Variants in DGKI observed in about 807,000 individuals in gnomAD.
The protein encoded by DGKI is diacylglycerol kinase iota.
In DGKI, 55 loss-of-function variants were observed where a neutral mutation model predicts 147.5. The observed-to-expected ratio is 0.37, with a 90% CI of 0.30 to 0.47. DGKI has a LOEUF of 0.47. DGKI is among the 20% of genes least tolerant of loss of function. DGKI has a pLI of 1.00. For missense variants in DGKI, 1,007 were observed against 1,323.8 expected (o/e 0.76, Z 3.71); for synonymous variants, 469 against 477.1 (o/e 0.98, Z 0.22).
chr7:137,434,762 A>C (rs929328397), intron 28 of DGKI, among the ~76,000 whole-genome samples: 1 of 152,184 alleles, frequency 6.6e-6, no homozygotes, highest in Non-Finnish European at 1.5e-5. Context: ...ATGACAGATA[A>C]TAGTAGGGTC....
chr7:137,599,764 C>T, intron 11 of DGKI, 59 bp downstream of exon 11: 2 of 1,481,464 alleles, frequency 1.4e-6, no homozygotes, highest in Non-Finnish European at 1.9e-6. Flanking sequence ...GATAATGAAG[C>T]AGAAAATTCT....
rs369086131 is a variant in DGKI at position 137,620,019 on chromosome 7, G to GCGCA, written c.877-80_877-79insTGCG. On this transcript the variant is annotated intron_variant, in intron 7 of 32. Transcript: ENST00000614521. Reference sequence around the variant, plus strand: ...CAAGAAGGGATAAATATGTACACACGCACACACACACACACACACACACAC... The same window carrying GCGCA: ...CAAGAAGGGATAAATATGTACACACGCGCACACACACACACACACACACACACAC... 1.6e-4 allele frequency: 81 copies of GCGCA among 502,554 alleles called. 1 individual carries two copies. The highest frequency in any genetic ancestry group is 6.0e-4 in the Middle Eastern group (1 of 1,676). 31.1% of individuals were successfully genotyped at this position (502,554 alleles called of 1,614,324 possible). A position where few individuals can be genotyped will look rare whatever the true frequency, so the allele number is the denominator to read the frequency against.
intron 1 of DGKI, among the ~76,000 whole-genome samples, chr7:137,843,861 C>T (rs1476678360): frequency 1.3e-5 from 2 of 151,550 alleles, no homozygotes; most frequent in East Asian, 3.9e-4. Context: ...ACATGTTCTT[C>T]AAAAGATATT....
intron 8 of DGKI, among the ~76,000 whole-genome samples, chr7:137,614,385 G>C (rs763416632): frequency 6.6e-6 from 1 of 152,098 alleles, no homozygotes; most frequent in African/African-American, 2.4e-5. Flanking sequence ...GAAAATTCAC[G>C]TAAGTCTCAA....
chr7:137,502,766 TTC>T (rs1816224236), intron 21 of DGKI, among the ~76,000 whole-genome samples: 1 of 152,252 alleles, frequency 6.6e-6, no homozygotes, highest in Admixed American at 6.5e-5. Flanking sequence ...CATCCTAGGT[TTC>T]TCTTACTCAA....
intron 1 of DGKI, among the ~76,000 whole-genome samples, chr7:137,708,397 T>A (rs1794109742): frequency 6.6e-6 from 1 of 152,242 alleles, no homozygotes; most frequent in Non-Finnish European, 1.5e-5. Context: ...GTGACAGCTT[T>A]GGAGGAATAA....
chr7:137,771,151 T>G (rs926845705), intron 1 of DGKI, among the ~76,000 whole-genome samples: 9 of 152,146 alleles, frequency 5.9e-5, no homozygotes, highest in African/African-American at 1.9e-4. Context: ...AGTGCAGTGG[T>G]GCAATCTCAG....
intron 8 of DGKI, among the ~76,000 whole-genome samples, chr7:137,612,537 G>A (rs1820400224): frequency 6.6e-6 from 1 of 151,954 alleles, no homozygotes; most frequent in Admixed American, 6.6e-5. Flanking sequence ...TCTACCTCTA[G>A]GAACAGATGG....
intron 20 of DGKI, among the ~76,000 whole-genome samples, chr7:137,527,581 T>A (rs834090): frequency 0.027 from 4,126 of 152,290 alleles, 174 homozygotes; most frequent in East Asian, 0.11. Flanking sequence ...TTCTACATTT[T>A]GTACCTTATA....
intron 10 of DGKI, among the ~76,000 whole-genome samples, chr7:137,605,653 G>C (rs988397974): frequency 6.6e-6 from 1 of 152,172 alleles, no homozygotes; most frequent in African/African-American, 2.4e-5. Context: ...CCTGTCATTT[G>C]CAGCAACAAA....
chr7:137,524,748 T>C (rs1817082514), intron 20 of DGKI, among the ~76,000 whole-genome samples: 2 of 152,182 alleles, frequency 1.3e-5, no homozygotes, highest in Non-Finnish European at 1.5e-5. Flanking sequence ...GAATGAACTC[T>C]ACCTAAGCAA....
At chr7:137,722,750 C>T in intron 1 of DGKI, 3 of 1,541,926 alleles carry the variant, frequency 1.9e-6, no homozygotes, top group Non-Finnish European at 2.7e-6. Flanking sequence ...GCTGTGGACT[C>T]ACAAATTTTA....
At position 137,638,636 on chromosome 7, in the gene DGKI, A is replaced by ATG. The variant is rs1821496207; in HGVS notation, c.804+6835_804+6836insCA. Among the ~76,000 whole-genome samples the ATG allele has an allele frequency of 1.4e-3, 11 of 7,812 alleles. 1 individual carries two copies. The highest frequency in any genetic ancestry group is 0.067 in the East Asian group (2 of 30). 5.1% of individuals were successfully genotyped at this position (7,812 alleles called of 152,430 possible). On this transcript the variant is annotated intron_variant, in intron 6 of 32. Transcript: ENST00000614521. ...TACACACACACATATATATGTGTGT[A>ATG]TATATGTGTATGTATATACACACAT...
At position 137,463,972 on chromosome 7, in the gene DGKI, G is replaced by T. The variant is rs548361033; in HGVS notation, c.2613-361C>A. 4.9e-4 allele frequency among the ~76,000 whole-genome samples: 75 copies of T among 152,274 alleles called. 1 individual carries two copies. Among genetic ancestry groups the T allele is most frequent in the Non-Finnish European group, 9.4e-4 (64 of 68,014 alleles). ...TTAGTTCAGGGGAGGCAACTGGTGA[G>T]AAATAAGAAAGGCACTGATTCAAGT... On this transcript the variant is annotated intron_variant, in intron 26 of 32. Coordinates refer to ENST00000614521, the MANE Select transcript of DGKI (RefSeq NM_001321708.2).
chr7:137,828,178 T>C (rs1369841117), intron 1 of DGKI, among the ~76,000 whole-genome samples: 2 of 152,242 alleles, frequency 1.3e-5, no homozygotes, highest in Non-Finnish European at 2.9e-5. Flanking sequence ...GCACTTCACA[T>C]AGTATTTGGC....
chr7:137,691,554 C>T (rs1823603673), intron 1 of DGKI, among the ~76,000 whole-genome samples: 1 of 152,108 alleles, frequency 6.6e-6, no homozygotes, highest in Non-Finnish European at 1.5e-5. Context: ...CCCATATAAA[C>T]GGGAAGGAAT....
intron 14 of DGKI, 23 bp from the exon 15 acceptor site, chr7:137,581,951 A>G: frequency 1.2e-6 from 2 of 1,604,842 alleles, no homozygotes; most frequent in South Asian, 1.1e-5. Context: ...ACAAAGACAG[A>G]GGCAAAATTT....
intron 19 of DGKI, among the ~76,000 whole-genome samples, chr7:137,564,410 A>T (rs1818514224): frequency 6.6e-6 from 1 of 152,192 alleles, no homozygotes; most frequent in Non-Finnish European, 1.5e-5. Context: ...GCTCATCAAA[A>T]CAAACACTAA....
chr7:137,566,350 T>C (rs965340976), intron 19 of DGKI, among the ~76,000 whole-genome samples: 1 of 151,550 alleles, frequency 6.6e-6, no homozygotes, highest in Non-Finnish European at 1.5e-5. Context: ...GCAAATTAGA[T>C]TATTTCATCC....
Sources: gnomAD v4.1 joint callset for allele counts (sites outside exome capture counted in the v4.1 genomes callset) on GRCh38, gnomAD v4.1.1 for gene constraint, MANE v1.5 for transcripts, NCBI Gene and HGNC (gene_info 2026-07-23, HGNC 2026-07-21) for gene names.